GIGYF2: variants seen among roughly 807,000 people sequenced by gnomAD.
The protein encoded by GIGYF2 is GRB10-interacting GYF protein 2.
In GIGYF2, 25 loss-of-function variants were observed where a neutral mutation model predicts 208.1. The ratio of observed to expected loss-of-function variants is 0.12; its 90% confidence interval spans 0.09 to 0.17. GIGYF2 has a LOEUF of 0.17. GIGYF2 is among the 10% of genes least tolerant of loss of function. GIGYF2 has a pLI of 1.00. For missense variants in GIGYF2, 1,302 were observed against 1,579.4 expected (o/e 0.82, Z 2.98); for synonymous variants, 534 against 543.8 (o/e 0.98, Z 0.25).
At chr2:232,826,333 T>C (rs1435067255) in intron 21 of GIGYF2, among the ~76,000 whole-genome samples, 9 of 152,238 alleles carry the variant, frequency 5.9e-5, no homozygotes, top group Admixed American at 2.6e-4. Flanking sequence ...TGTAAAAGCA[T>C]TCCTATTTCT....
chr2:232,734,681 G>T (rs1432910662), intron 2 of GIGYF2, among the ~76,000 whole-genome samples: 1 of 152,186 alleles, frequency 6.6e-6, no homozygotes, highest in African/African-American at 2.4e-5. Context: ...TAAGCAGAAG[G>T]TGAGGAGAGT....
chr2:232,754,114 G>A (rs1240019231), intron 5 of GIGYF2, among the ~76,000 whole-genome samples: 1 of 151,584 alleles, frequency 6.6e-6, no homozygotes, highest in Non-Finnish European at 1.5e-5. Context: ...GCAGTGAGCT[G>A]AGATCGTGCC....
At position 232,768,548 on chromosome 2, in the gene GIGYF2, C is replaced by T. The variant is rs528587960; in HGVS notation, c.532+7112C>T. On this transcript the variant is annotated intron_variant, in intron 8 of 28. Transcript: ENST00000373563. ...TTGATGGTGTAATGGAGTGATAGTA[C>T]GTTAGTGGAAAGATGAAGAATGGAC... 23 of 1,614,054 alleles carry T rather than the reference C, an allele frequency of 1.4e-5. 1 individual carries two copies. Among genetic ancestry groups the T allele is most frequent in the Admixed American group, 3.3e-5 (2 of 60,002 alleles).
At chr2:232,760,435 A>G (rs1043369109) in intron 6 of GIGYF2, 45 bp from the exon 7 acceptor site, 6 of 1,211,654 alleles carry the variant, frequency 5.0e-6, no homozygotes, top group African/African-American at 4.5e-5. Flanking sequence ...TGTGTGCCAC[A>G]TGTTGACATC....
intron 28 of GIGYF2, among the ~76,000 whole-genome samples, chr2:232,852,899 TAAGA>T (rs924544490): frequency 6.6e-6 from 1 of 152,202 alleles, no homozygotes; most frequent in Non-Finnish European, 1.5e-5. Flanking sequence ...TTTATAGATC[TAAGA>T]AAGGAAGGGA....
chr2:232,786,703 A>T (rs1699918429), intron 8 of GIGYF2, among the ~76,000 whole-genome samples: 1 of 152,252 alleles, frequency 6.6e-6, no homozygotes, highest in Non-Finnish European at 1.5e-5. Context: ...TTGGCAAGAT[A>T]CACTGTTAGT....
chr2:232,709,956 ATATT>A (rs890760589), intron 2 of GIGYF2, among the ~76,000 whole-genome samples: 1 of 150,918 alleles, frequency 6.6e-6, no homozygotes, highest in East Asian at 2.0e-4. Context: ...ACAAAGTTAT[ATATT>A]TATTTATTTA....
chr2:232,773,099 T>TA (rs1242143863), intron 8 of GIGYF2, among the ~76,000 whole-genome samples: 3 of 152,196 alleles, frequency 2.0e-5, no homozygotes, highest in Admixed American at 1.3e-4. Flanking sequence ...ATATAGACTT[T>TA]AAAAAATCTT....
chr2:232,818,762 C>G (rs974024464), intron 20 of GIGYF2, among the ~76,000 whole-genome samples: 2 of 151,922 alleles, frequency 1.3e-5, no homozygotes, highest in African/African-American at 4.8e-5. Context: ...AAATGTGTAT[C>G]TAAAAATCTA....
At chr2:232,766,935 A>G (rs1340403429) in intron 8 of GIGYF2, 1 of 152,136 alleles carries the variant, frequency 6.6e-6, no homozygotes, top group Non-Finnish European at 1.5e-5. Context: ...TGATAGGGTG[A>G]CTTTTTTGGT....
rs535448017 is a variant in GIGYF2 at position 232,812,286 on chromosome 2, G to A, written c.2007-105G>A. On this transcript the variant is annotated intron_variant, in intron 17 of 28. Coordinates refer to ENST00000373563, the MANE Select transcript of GIGYF2 (RefSeq NM_001103146.3). ...AGTAAAAGAGTGAAGGCGTTTTCTA[G>A]CCAAATAACCTGGAGAACCTGCTAA... 27 of 667,486 alleles carry A rather than the reference G, an allele frequency of 4.0e-5. No individual in the cohort carries two copies. In the East Asian group the frequency reaches 7.2e-4, roughly 18 times the overall value. 41.3% of individuals were successfully genotyped at this position (667,486 alleles called of 1,614,324 possible). A position where few individuals can be genotyped will look rare whatever the true frequency, so the allele number is the denominator to read the frequency against.
chr2:232,843,662 C>T (rs765279869), intron 23 of GIGYF2, among the ~76,000 whole-genome samples: 1 of 151,338 alleles, frequency 6.6e-6, no homozygotes, highest in Non-Finnish European at 1.5e-5. Flanking sequence ...TCGCTTGAGG[C>T]CAGGAGTTCG....
At chr2:232,716,200 G>A (rs1467807657) in intron 2 of GIGYF2, among the ~76,000 whole-genome samples, 1 of 151,710 alleles carries the variant, frequency 6.6e-6, no homozygotes, top group Non-Finnish European at 1.5e-5. Flanking sequence ...CTCATGTTTG[G>A]ACTTTTCCTT....
In GIGYF2 at chr2:232,821,026, T is replaced by A. The variant is rs973649690; in HGVS notation, c.2529+1041T>A. ...TTTTGTATTTTTAATAGAGATGGGG[T>A]TTTGCCTTGTTGGCAGGCTGGTCTC... On this transcript the variant is annotated intron_variant, in intron 21 of 28. Coordinates refer to ENST00000373563, the MANE Select transcript of GIGYF2 (RefSeq NM_001103146.3). Among the ~76,000 whole-genome samples, 8 of 151,988 alleles carry A rather than the reference T, an allele frequency of 5.3e-5. No individual in the cohort carries two copies. In the East Asian group the frequency reaches 1.5e-3, roughly 29 times the overall value.
Position 232,856,703 on chromosome 2 carries a change from A to C in GIGYF2, c.3833-90A>C, listed in dbSNP as rs185752137. On this transcript the variant is annotated intron_variant, in intron 28 of 28. Transcript: ENST00000373563. ...TGAAACCCTGTCTCACAAACAAACA[A>C]ACACAGACTTACATTCCAGCTCACC... The C allele has an allele frequency of 8.9e-4, 763 of 858,884 alleles. 1 individual carries two copies. Among genetic ancestry groups the C allele is most frequent in the Non-Finnish European group, 1.0e-3 (504 of 490,432 alleles). 53.2% of individuals were successfully genotyped at this position (858,884 alleles called of 1,614,324 possible). A position where few individuals can be genotyped will look rare whatever the true frequency, so the allele number is the denominator to read the frequency against.
intron 13 of GIGYF2, 142 bp downstream of exon 13, chr2:232,795,086 A>G (rs928136827): frequency 1.4e-6 from 1 of 718,574 alleles, no homozygotes; most frequent in Non-Finnish European, 2.5e-6. Context: ...TATTTGTACA[A>G]GTCATTGTCT....
In GIGYF2 at chr2:232,806,567, G is replaced by A. The variant is rs114498122; in HGVS notation, c.1716G>A (p.Ala572=). The A allele has an allele frequency of 1.2e-5, 19 of 1,610,522 alleles. No homozygotes were observed. Among genetic ancestry groups the A allele is most frequent in the South Asian group, 9.9e-5 (9 of 91,006 alleles). The change falls in exon 15 of 29, where the codon GCG becomes GCA. Residue 572 remains alanine, a synonymous_variant. Transcript: ENST00000373563. The surrounding 1 kb of genome is among the most constrained non-coding windows in gnomAD (Gnocchi z 4.0). ...YFTMSLLVKR[A]CDESFQPLGD... The stretch of plus-strand genomic sequence containing the variant: ...CTATGTCTTTATTGGTGAAGAGAGC[G>A]TGTGATGAAAGCTTCCAACCTCTTG...
chr2:232,733,738 CA>C (rs1292417480), intron 2 of GIGYF2, among the ~76,000 whole-genome samples: 1 of 152,192 alleles, frequency 6.6e-6, no homozygotes, highest in Admixed American at 6.5e-5. Context: ...AACCTATGTA[CA>C]TACTTCTATA....
chr2:232,716,699 T>G (rs1456420299), intron 2 of GIGYF2, among the ~76,000 whole-genome samples: 1 of 152,160 alleles, frequency 6.6e-6, no homozygotes, highest in East Asian at 1.9e-4. Context: ...TTTTTTGTTT[T>G]GTTTTGTTTT....
Sources: gnomAD v4.1 joint callset for allele counts (sites outside exome capture counted in the v4.1 genomes callset) on GRCh38, gnomAD v4.1.1 for gene constraint, Gnocchi (gnomAD v3.1) non-coding constraint, MANE v1.5 for transcripts, NCBI Gene and HGNC (gene_info 2026-07-23, HGNC 2026-07-21) for gene names.